SEM1: variants seen among roughly 807,000 people sequenced by gnomAD.
SEM1 encodes the protein SEM1 26S proteasome subunit.
SEM1 carries 3 observed loss-of-function variants against 12.7 expected under a neutral mutation model. The observed-to-expected ratio is 0.24, with a 90% CI of 0.11 to 0.61. The LOEUF (loss-of-function observed/expected upper bound fraction) is 0.61. Among genes scored for constraint, SEM1 ranks in the 20% least tolerant of loss-of-function variants. The pLI is 0.88. For synonymous variants in SEM1, 30 were observed against 27.8 expected (o/e 1.08, Z -0.25); for missense variants, 59 against 81.3 (o/e 0.73, Z 1.06).
At chr7:96,499,561 T>C (rs1268056122), upstream of SEM1, among the ~76,000 whole-genome samples, 1 of 152,186 alleles carries the variant, frequency 6.6e-6, no homozygotes, top group Non-Finnish European at 1.5e-5. Context: ...ATTTACTAAA[T>C]GTGATGCTGT....
chr7:96,676,670 G>A (rs536108583), intron 2 of SEM1, among the ~76,000 whole-genome samples: 3 of 152,240 alleles, frequency 2.0e-5, no homozygotes, highest in Non-Finnish European at 4.4e-5. Flanking sequence ...GCTGTACAAT[G>A]CTCTATTCCA....
chr7:96,498,083 A>G (rs1191107146), upstream of SEM1, among the ~76,000 whole-genome samples: 3 of 152,188 alleles, frequency 2.0e-5, no homozygotes. Context: ...TACATGCAAC[A>G]TCTCATTTAA....
intron 3 of SEM1, among the ~76,000 whole-genome samples, chr7:96,504,236 T>C (rs1287646255): frequency 2.0e-5 from 3 of 152,150 alleles, no homozygotes; most frequent in Non-Finnish European, 4.4e-5. Context: ...TTTATTTTTA[T>C]GGTTTTCACA....
intron 3 of SEM1, among the ~76,000 whole-genome samples, chr7:96,505,096 A>T (rs1030256928): frequency 6.6e-6 from 1 of 151,554 alleles, no homozygotes; most frequent in African/African-American, 2.4e-5. Context: ...GGAGTTATCT[A>T]TCTATTTATT....
At chr7:96,485,292 C>A (rs1215001184) in intron 2 of SEM1, among the ~76,000 whole-genome samples, 2 of 152,248 alleles carry the variant, frequency 1.3e-5, no homozygotes, top group Non-Finnish European at 2.9e-5. Flanking sequence ...AATTGATTCT[C>A]TTACAGTTCT....
At chr7:96,489,344 G>A (rs187429468) in intron 1 of SEM1, among the ~76,000 whole-genome samples, 3 of 152,238 alleles carry the variant, frequency 2.0e-5, no homozygotes, top group Admixed American at 6.5e-5. Context: ...GCTACGAATT[G>A]CTGGGCCCTA....
chr7:96,564,803 T>C lies in SEM1; in HGVS notation c.171-58105A>G, dbSNP rs1805797241. On this transcript the variant is annotated intron_variant and NMD_transcript_variant, in intron 2 of 3. Coordinates refer to the SEM1 transcript ENST00000466986. ...TTTAAAGTACTTAGGCGCTTATATA[T>C]GTTATACAGAAAATATTGATAGAAA... Among the ~76,000 whole-genome samples the C allele has an allele frequency of 2.0e-5, 3 of 152,060 alleles. No homozygotes were observed. In the South Asian group the frequency reaches 6.2e-4, roughly 32 times the overall value.
Position 96,494,077 on chromosome 7 carries a change from A to T in SEM1, c.12+2207T>A, listed in dbSNP as rs1340422370. Among the ~76,000 whole-genome samples, 4 of 152,298 alleles carry T rather than the reference A, an allele frequency of 2.6e-5. No individual in the cohort carries two copies. The South Asian group carries it at 8.3e-4, about 32-fold the overall frequency. On this transcript the variant is annotated intron_variant, in intron 1 of 3. Coordinates refer to the SEM1 transcript ENST00000356686. Reference sequence around the variant, plus strand: ...AATTGCAAAAGGTGGAGACAGAGTTATCAGAGCCCTTAGGAAGAAACTGCT... The same window carrying T: ...AATTGCAAAAGGTGGAGACAGAGTTTTCAGAGCCCTTAGGAAGAAACTGCT...
chr7:96,647,806 C>G (rs1053931778), intron 2 of SEM1, among the ~76,000 whole-genome samples: 10 of 152,172 alleles, frequency 6.6e-5, no homozygotes, highest in African/African-American at 2.4e-4. Context: ...AATGTTTGAT[C>G]AGGAGAGCAG....
At chr7:96,707,582 G>A (rs1188153735) in intron 1 of SEM1, among the ~76,000 whole-genome samples, 1 of 152,150 alleles carries the variant, frequency 6.6e-6, no homozygotes, top group Non-Finnish European at 1.5e-5. Context: ...ATTACTTAAT[G>A]TTAATAAACA....
At chr7:96,673,841 C>T (rs543465507) in exon 3 of SEM1, 1 of 765,162 alleles carries the variant, frequency 1.3e-6, no homozygotes, top group South Asian at 1.3e-5. Flanking sequence ...AGACCAATAT[C>T]ATCAGGAGTA....
At chr7:96,606,092 A>G (rs1322392801) in intron 2 of SEM1, among the ~76,000 whole-genome samples, 1 of 152,164 alleles carries the variant, frequency 6.6e-6, no homozygotes, top group African/African-American at 2.4e-5. Context: ...ATATTGTTAT[A>G]CTTGTTCTAT....
chr7:96,579,645 A>G (rs1018704356), intron 2 of SEM1, among the ~76,000 whole-genome samples: 5 of 152,220 alleles, frequency 3.3e-5, no homozygotes, highest in African/African-American at 1.2e-4. Context: ...TACTAAAACT[A>G]ATATTCATAG....
rs143404818 is a variant in SEM1 at position 96,589,360 on chromosome 7, C to A, written c.171-82662G>T. On this transcript the variant is annotated intron_variant and NMD_transcript_variant, in intron 2 of 3. Transcript: ENST00000466986. ...CACACATTGAGGCTTGGGTTTGAATCCAGGCTGTGCTCTTCGGTCACTGTA... is the reference window on the plus strand; with the variant it reads ...CACACATTGAGGCTTGGGTTTGAATACAGGCTGTGCTCTTCGGTCACTGTA... 5.2e-3 allele frequency among the ~76,000 whole-genome samples: 796 copies of A among 152,296 alleles called. 11 individuals carry two copies. The highest frequency in any genetic ancestry group is 0.018 in the African/African-American group (761 of 41,562).
At chr7:96,503,714 G>A (rs1803651974) in intron 3 of SEM1, among the ~76,000 whole-genome samples, 1 of 152,064 alleles carries the variant, frequency 6.6e-6, no homozygotes, top group Non-Finnish European at 1.5e-5. Context: ...AAATTCCAGG[G>A]CCAATAGATA....
At chr7:96,496,204 A>T in intron 1 of SEM1, 1 of 850,980 alleles carries the variant, frequency 1.2e-6, no homozygotes, top group Non-Finnish European at 1.8e-6. Context: ...TCGTCATAGT[A>T]CACTCAAGGT....
intron 2 of SEM1, among the ~76,000 whole-genome samples, chr7:96,545,526 T>A (rs1805079636): frequency 6.6e-6 from 1 of 152,108 alleles, no homozygotes; most frequent in Non-Finnish European, 1.5e-5. Flanking sequence ...AGCACTTGGC[T>A]AGCACTAAGT....
downstream of SEM1, among the ~76,000 whole-genome samples, chr7:96,671,528 T>C (rs973734043): frequency 6.6e-6 from 1 of 152,134 alleles, no homozygotes; most frequent in Non-Finnish European, 1.5e-5. Flanking sequence ...ATAATTTTAC[T>C]TGAATGAGCC....
chr7:96,612,438 C>T (rs1807568027), intron 2 of SEM1, among the ~76,000 whole-genome samples: 2 of 152,276 alleles, frequency 1.3e-5, no homozygotes, highest in African/African-American at 4.8e-5. Flanking sequence ...GAAACAAGGG[C>T]ATTTGCTGTG....
Sources: gnomAD v4.1 joint callset for allele counts (sites outside exome capture counted in the v4.1 genomes callset) on GRCh38, gnomAD v4.1.1 for gene constraint, MANE v1.5 for transcripts, NCBI Gene and HGNC (gene_info 2026-07-23, HGNC 2026-07-21) for gene names.